The following ADAM12 variants were observed in gnomAD, a reference collection of about 807,000 sequenced individuals.
The protein encoded by ADAM12 is disintegrin and metalloproteinase domain-containing protein 12.
A neutral mutation model predicts 106.4 loss-of-function variants in ADAM12; 70 were observed. That is an observed-to-expected ratio of 0.66 (90% CI 0.54 to 0.80). The LOEUF is 0.80. Ranked by LOEUF, ADAM12 falls within the 30% of genes least tolerant of loss-of-function variation. The pLI is 0.00. For synonymous variants in ADAM12, 420 were observed against 433.5 expected (o/e 0.97, Z 0.39); for missense variants, 1,010 against 1,171.9 (o/e 0.86, Z 2.02).
chr10:126,240,967 T>C (rs139264804), intron 3 of ADAM12, among the ~76,000 whole-genome samples: 7 of 152,376 alleles, frequency 4.6e-5, no homozygotes, highest in Admixed American at 1.3e-4. Flanking sequence ...TAGAGTGTCA[T>C]TGAAATGTCA....
rs113135648 is a variant in ADAM12 at position 126,300,021 on chromosome 10, T to C, written c.187-21033A>G. Among the ~76,000 whole-genome samples, 1,361 of 152,342 alleles carry C rather than the reference T, an allele frequency of 8.9e-3. 18 individuals carry two copies. The highest frequency in any genetic ancestry group is 0.031 in the African/African-American group (1,286 of 41,560). ...ATCTTCGAAGTATTCCTTTTCACTT[T>C]CTTTCCTATTATTTTTACCTTTGTA... is the stretch of plus-strand genomic sequence containing the variant. On this transcript the variant is annotated intron_variant, in intron 2 of 22. Transcript: ENST00000448723.
intron 3 of ADAM12, among the ~76,000 whole-genome samples, chr10:126,254,663 G>A (rs1590690082): frequency 6.6e-6 from 1 of 151,976 alleles, no homozygotes; most frequent in South Asian, 2.1e-4. Context: ...AGGATCCAGA[G>A]CATCCATGGA....
intron 1 of ADAM12, among the ~76,000 whole-genome samples, chr10:126,344,201 AG>A (rs1249233863): frequency 1.3e-5 from 2 of 152,106 alleles, no homozygotes; most frequent in Admixed American, 1.3e-4. Flanking sequence ...TTTTTGTATA[AG>A]GTGTAAGGAA....
intron 1 of ADAM12, among the ~76,000 whole-genome samples, chr10:126,342,849 G>A (rs774208046): frequency 8.6e-5 from 13 of 151,090 alleles, no homozygotes; most frequent in South Asian, 4.2e-4. Context: ...TCCTTTCGGC[G>A]TCTGATCACA....
chr10:126,329,586 A>C (rs1364739284), intron 2 of ADAM12, among the ~76,000 whole-genome samples: 1 of 152,148 alleles, frequency 6.6e-6, no homozygotes, highest in Non-Finnish European at 1.5e-5. Context: ...CCTTTTAATC[A>C]AACCACCAAC....
At chr10:126,026,024 C>T (rs1290434880) in intron 21 of ADAM12, among the ~76,000 whole-genome samples, 1 of 152,076 alleles carries the variant, frequency 6.6e-6, no homozygotes, top group East Asian at 1.9e-4. Context: ...AAAGATTTTC[C>T]AACCCAGAAT....
chr10:126,187,745 G>A (rs1957426391), intron 3 of ADAM12, among the ~76,000 whole-genome samples: 1 of 152,210 alleles, frequency 6.6e-6, no homozygotes, highest in Non-Finnish European at 1.5e-5. Flanking sequence ...CAGCACGCTG[G>A]CCACAGTGCA....
intron 21 of ADAM12, 39 bp downstream of exon 21, chr10:126,036,107 T>C: frequency 7.4e-7 from 1 of 1,343,420 alleles, no homozygotes; most frequent in Non-Finnish European, 9.6e-7. Flanking sequence ...AGAATCTGGA[T>C]TTGAACTACA....
rs1953675410 is a variant in ADAM12 at position 126,017,184 on chromosome 10, A to T, written c.*95T>A. ...TTATAGTAATGATGTTTTAAACATT[A>T]AAAAAAATCCTAAAAGTTGGTACAA... is the stretch of plus-strand genomic sequence containing the variant. On this transcript the variant is annotated 3_prime_UTR_variant, in exon 23 of 23. Transcript: ENST00000448723. 7 of 1,158,102 alleles carry T rather than the reference A, an allele frequency of 6.0e-6. No individual in the cohort carries two copies. The highest frequency in any genetic ancestry group is 5.8e-5 in the South Asian group (4 of 68,916). The allele number at this position is 1,158,102 out of a possible 1,614,324, so 71.7% of individuals were successfully genotyped here.
At chr10:126,030,684 G>A (rs549008560) in intron 21 of ADAM12, among the ~76,000 whole-genome samples, 60 of 152,238 alleles carry the variant, frequency 3.9e-4, no homozygotes, top group African/African-American at 1.3e-3. Flanking sequence ...TCATGCTTCC[G>A]TGGATAACTG....
At chr10:126,167,784 G>A (rs1957049901) in intron 3 of ADAM12, among the ~76,000 whole-genome samples, 1 of 152,168 alleles carries the variant, frequency 6.6e-6, no homozygotes, top group African/African-American at 2.4e-5. Flanking sequence ...TGCTCATTAA[G>A]CATCCACATG....
intron 11 of ADAM12, chr10:126,090,983 C>T (rs1265965074): frequency 6.6e-6 from 1 of 152,192 alleles, no homozygotes; most frequent in Non-Finnish European, 1.5e-5. Context: ...ATTTAACTGA[C>T]ATCCCCAAGC....
intron 2 of ADAM12, among the ~76,000 whole-genome samples, chr10:126,308,049 T>C (rs1439897701): frequency 6.6e-6 from 1 of 152,254 alleles, no homozygotes; most frequent in Non-Finnish European, 1.5e-5. Context: ...GTCTCTCACT[T>C]GCCAGGAATT....
intron 3 of ADAM12, among the ~76,000 whole-genome samples, chr10:126,213,033 G>C (rs187705435): frequency 6.6e-6 from 1 of 152,152 alleles, no homozygotes; most frequent in East Asian, 1.9e-4. Context: ...CCCACCCTTC[G>C]AAGCCTTCCA....
In ADAM12 at chr10:126,013,789, G is replaced by A. The variant is rs924631109; in HGVS notation, c.*3490C>T. The A allele has an allele frequency of 3.3e-4, 51 of 152,362 alleles. No individual in the cohort carries two copies. Among genetic ancestry groups the A allele is most frequent in the African/African-American group, 1.2e-3 (49 of 41,452 alleles). 9.4% of individuals were successfully genotyped at this position (152,362 alleles called of 1,614,324 possible). ...TGCTGAGTCACAGGGAGTAACTGCA[G>A]CTGCCTAGGGCTGGCTTCTAGCATG... On this transcript the variant is annotated 3_prime_UTR_variant, in exon 23 of 23. Coordinates refer to ENST00000448723, the MANE Select transcript of ADAM12 (RefSeq NM_001288973.2). This position sits in a 1 kb window ranked among gnomAD's most constrained non-coding sequence, Gnocchi z 4.3.
intron 1 of ADAM12, among the ~76,000 whole-genome samples, chr10:126,362,187 A>G (rs1478987829): frequency 6.6e-6 from 1 of 152,178 alleles, no homozygotes; most frequent in African/African-American, 2.4e-5. Flanking sequence ...TATGAAAAAA[A>G]GTCCAACATA....
intron 3 of ADAM12, among the ~76,000 whole-genome samples, chr10:126,226,087 C>A (rs779738261): frequency 3.3e-5 from 5 of 151,786 alleles, no homozygotes; most frequent in Non-Finnish European, 5.9e-5. Flanking sequence ...ACCACCCGTG[C>A]AAGCCAGGAT....
intron 4 of ADAM12, among the ~76,000 whole-genome samples, chr10:126,144,253 C>G (rs1052437937): frequency 1.3e-5 from 2 of 152,182 alleles, no homozygotes; most frequent in African/African-American, 4.8e-5. Context: ...AATTGGAAAT[C>G]TTCGGGTTGA....
intron 6 of ADAM12, among the ~76,000 whole-genome samples, chr10:126,113,411 G>A (rs555399462): frequency 2.4e-4 from 36 of 151,890 alleles, no homozygotes; most frequent in African/African-American, 7.7e-4. Context: ...TGTAATCCCA[G>A]CACTTTGGGA....
Sources: allele counts gnomAD v4.1 joint callset (sites outside exome capture counted in the v4.1 genomes callset), GRCh38; gene constraint gnomAD v4.1.1; non-coding constraint Gnocchi (gnomAD v3.1); transcripts MANE v1.5; gene names NCBI Gene and HGNC (gene_info 2026-07-23, HGNC 2026-07-21).